MYO1D: variants seen among roughly 807,000 people sequenced by gnomAD.
The protein encoded by MYO1D is myosin ID, also known as unconventional myosin-Id.
A neutral mutation model predicts 122.0 loss-of-function variants in MYO1D; 83 were observed. The observed-to-expected ratio is 0.68, with a 90% CI of 0.57 to 0.82. MYO1D has a LOEUF of 0.82. Among genes scored for constraint, MYO1D ranks in the 40% least tolerant of loss-of-function variants. MYO1D has a pLI of 0.00. For missense variants in MYO1D, 1,157 were observed against 1,269.5 expected, an observed-to-expected ratio of 0.91 and a Z score of 1.35; for synonymous variants, 464 against 446.9, an observed-to-expected ratio of 1.04 and a Z score of -0.48.
chr17:32,789,360 T>C (rs975586004), intron 1 of MYO1D, among the ~76,000 whole-genome samples: 1 of 152,226 alleles, frequency 6.6e-6, no homozygotes, highest in African/African-American at 2.4e-5. Context: ...TCACGGGGAA[T>C]GCTTTCAACT....
intron 21 of MYO1D, among the ~76,000 whole-genome samples, chr17:32,520,317 G>T (rs148376315): frequency 6.6e-6 from 1 of 152,290 alleles, no homozygotes; most frequent in Non-Finnish European, 1.5e-5. Context: ...AGGACTTCCC[G>T]AGGTCAGCCT....
At chr17:32,562,630 G>T (rs671197) in intron 21 of MYO1D, among the ~76,000 whole-genome samples, 1 of 152,000 alleles carries the variant, frequency 6.6e-6, no homozygotes, top group East Asian at 1.9e-4. Context: ...CTACAGGTGC[G>T]TGCCACCAGG....
intron 20 of MYO1D, 55 bp from the exon 21 acceptor site, chr17:32,605,296 TA>T: frequency 6.8e-7 from 1 of 1,474,536 alleles, no homozygotes; most frequent in Non-Finnish European, 9.2e-7. Context: ...AAGAATGAAT[TA>T]AAAAATACAT....
chr17:32,507,957 C>T (rs945595117), intron 21 of MYO1D, among the ~76,000 whole-genome samples: 7 of 142,294 alleles, frequency 4.9e-5, no homozygotes, highest in South Asian at 4.4e-4. Flanking sequence ...AGGGCAATGG[C>T]GCGATCTTGG....
intron 1 of MYO1D, among the ~76,000 whole-genome samples, chr17:32,812,607 G>A (rs185396368): frequency 6.6e-6 from 1 of 152,266 alleles, no homozygotes; most frequent in Non-Finnish European, 1.5e-5. Flanking sequence ...TGAGGGAACT[G>A]GAGAGACAAG....
rs1267363343 is a variant in MYO1D at position 32,654,581 on chromosome 17, C to G, written c.2386G>C (p.Asp796His). The change falls in exon 18 of 22, where the codon GAC becomes CAC. Residue 796 changes from aspartate to histidine, a missense_variant. Asp to His is a moderately conservative substitution (Grantham distance 81, BLOSUM62 -1). Coordinates refer to ENST00000318217, the MANE Select transcript of MYO1D (RefSeq NM_015194.3). ...SQLIKSIPAS[D>H]LPQVRAKVAA... ...ACCTTTGCCCTGACCTGGGGCAGGT[C>G]TGAGGCCGGAATGCTCTTGATGAGC... 1 of 1,613,756 alleles carries G rather than the reference C, an allele frequency of 6.2e-7. No homozygotes were observed. The highest frequency in any genetic ancestry group is 1.7e-5 in the Admixed American group (1 of 59,948).
intron 1 of MYO1D, among the ~76,000 whole-genome samples, chr17:32,810,563 T>C (rs897306202): frequency 2.6e-5 from 4 of 151,862 alleles, no homozygotes; most frequent in African/African-American, 9.7e-5. Flanking sequence ...CCGCAATCTC[T>C]GCCTCCTGGG....
intron 1 of MYO1D, among the ~76,000 whole-genome samples, chr17:32,816,439 A>T (rs907562972): frequency 6.6e-6 from 1 of 152,186 alleles, no homozygotes; most frequent in African/African-American, 2.4e-5. Flanking sequence ...ACTTAGTCCA[A>T]TGTTATTTAC....
chr17:32,871,447 G>C lies in MYO1D; in HGVS notation c.95+5331C>G, dbSNP rs529013071. ...AGACATACTGTGTTAGATTAAAAAA[G>C]AGAAGTTGCATGGAGCTTTGGCATG... On this transcript the variant is annotated intron_variant, in intron 1 of 21. Coordinates refer to ENST00000318217, the MANE Select transcript of MYO1D (RefSeq NM_015194.3). Among the ~76,000 whole-genome samples, 19 of 152,290 alleles carry C rather than the reference G, an allele frequency of 1.2e-4. No individual in the cohort carries two copies. In the East Asian group the frequency reaches 3.7e-3, roughly 29 times the overall value.
In MYO1D at chr17:32,645,375, T is replaced by C. The variant is rs1309290643; in HGVS notation, c.2596-6540A>G. Among the ~76,000 whole-genome samples the C allele has an allele frequency of 4.7e-4, 72 of 152,162 alleles. 1 individual carries two copies. The highest frequency in any genetic ancestry group is 4.4e-3 in the Admixed American group (68 of 15,282). On this transcript the variant is annotated intron_variant, in intron 19 of 21. Coordinates refer to ENST00000318217, the MANE Select transcript of MYO1D (RefSeq NM_015194.3). ...TCAACTTTGGTGAATCTGACAATTATGTGTCTTGGAGTTGCTCTTCTCGAG... is the reference window on the plus strand; with the variant it reads ...TCAACTTTGGTGAATCTGACAATTACGTGTCTTGGAGTTGCTCTTCTCGAG...
At chr17:32,684,953 A>C (rs1204232973) in intron 16 of MYO1D, among the ~76,000 whole-genome samples, 1 of 152,184 alleles carries the variant, frequency 6.6e-6, no homozygotes, top group African/African-American at 2.4e-5. Flanking sequence ...TTCTAAATTA[A>C]GTTCCGGCTT....
chr17:32,609,114 C>T (rs986666911), intron 20 of MYO1D, among the ~76,000 whole-genome samples: 2 of 152,198 alleles, frequency 1.3e-5, no homozygotes, highest in African/African-American at 4.8e-5. Flanking sequence ...GAGACCTGTA[C>T]ACCACCACCC....
chr17:32,776,071 A>G (rs780502931), intron 3 of MYO1D, 42 bp from the exon 4 acceptor site: 10 of 1,559,150 alleles, frequency 6.4e-6, no homozygotes, highest in Non-Finnish European at 6.9e-6. Flanking sequence ...AAACTTATAG[A>G]GACTAGAATT....
intron 21 of MYO1D, among the ~76,000 whole-genome samples, chr17:32,524,839 T>G (rs1488173367): frequency 3.3e-5 from 5 of 152,068 alleles, no homozygotes; most frequent in Admixed American, 6.6e-5. Context: ...GGGATTACAA[T>G]CGTGAGCCAC....
At chr17:32,651,435 TCTCA>T (rs1361256677) in intron 19 of MYO1D, among the ~76,000 whole-genome samples, 1 of 152,216 alleles carries the variant, frequency 6.6e-6, no homozygotes, top group Admixed American at 6.5e-5. Context: ...CCTTAGTCTC[TCTCA>T]CTGTTGAAAA....
chr17:32,525,492 T>C (rs1269208210), intron 21 of MYO1D, among the ~76,000 whole-genome samples: 1 of 152,144 alleles, frequency 6.6e-6, no homozygotes, highest in South Asian at 2.1e-4. Flanking sequence ...CTTTTTTTTT[T>C]CTTGGGATAT....
chr17:32,503,372 C>A (rs753544947), intron 21 of MYO1D, among the ~76,000 whole-genome samples: 2 of 152,216 alleles, frequency 1.3e-5, no homozygotes, highest in Non-Finnish European at 2.9e-5. Context: ...ACCTGCCCTG[C>A]CCCTGCAGAA....
chr17:32,560,049 G>A (rs1002218017), intron 21 of MYO1D, among the ~76,000 whole-genome samples: 6 of 152,200 alleles, frequency 3.9e-5, no homozygotes, highest in Non-Finnish European at 8.8e-5. Flanking sequence ...GAGGTCAGGA[G>A]TTCAAGACCA....
At chr17:32,732,348 C>G (rs3902633) in intron 14 of MYO1D, among the ~76,000 whole-genome samples, 1 of 152,156 alleles carries the variant, frequency 6.6e-6, no homozygotes, top group Non-Finnish European at 1.5e-5. Flanking sequence ...CCAGGCCTGC[C>G]TATGGACCAA....
Sources: allele counts gnomAD v4.1 joint callset (sites outside exome capture counted in the v4.1 genomes callset), GRCh38; gene constraint gnomAD v4.1.1; transcripts MANE v1.5; gene names NCBI Gene and HGNC (gene_info 2026-07-23, HGNC 2026-07-21).